The following ACTR10 variants were observed in gnomAD, a reference collection of about 807,000 sequenced individuals.
ACTR10 encodes actin related protein 10.
In ACTR10, 43 loss-of-function variants were observed where a neutral mutation model predicts 56.2. That is an observed-to-expected ratio of 0.77 (90% CI 0.60 to 0.99). The LOEUF (loss-of-function observed/expected upper bound fraction) is 0.99, where lower values mean the gene tolerates loss of function less well. Among genes scored for constraint, ACTR10 ranks in the 50% least tolerant of loss-of-function variants. ACTR10 has a pLI of 0.00. For synonymous variants in ACTR10, 170 were observed against 176.3 expected, an observed-to-expected ratio of 0.96 and a Z score of 0.28; for missense variants, 466 against 507.8, an observed-to-expected ratio of 0.92 and a Z score of 0.79.
intron 7 of ACTR10, among the ~76,000 whole-genome samples, chr14:58,216,916 C>G (rs1566626464): frequency 6.6e-6 from 1 of 152,200 alleles, no homozygotes; most frequent in Non-Finnish European, 1.5e-5. Flanking sequence ...ATTTTTCAAT[C>G]TGCAGCACCT....
intron 1 of ACTR10, 29 bp downstream of exon 1, chr14:58,200,323 G>A: frequency 6.8e-7 from 1 of 1,468,520 alleles, no homozygotes; most frequent in Non-Finnish European, 9.0e-7. Flanking sequence ...AGCTGTGTTC[G>A]ACCCGAGGGG....
chr14:58,230,337 A>G, intron 10 of ACTR10, 62 bp from the exon 11 acceptor site: 1 of 876,910 alleles, frequency 1.1e-6, no homozygotes, highest in Non-Finnish European at 1.8e-6. Flanking sequence ...ATAATGGTGT[A>G]TTCTGTGTAA....
chr14:58,202,850 T>C lies in ACTR10; in HGVS notation c.78-5T>C. The C allele has an allele frequency of 6.3e-7, 1 of 1,586,620 alleles. No individual in the cohort carries two copies. Among genetic ancestry groups the C allele is most frequent in the Non-Finnish European group, 8.6e-7 (1 of 1,164,040 alleles). On this transcript the variant is annotated splice_polypyrimidine_tract_variant and splice_region_variant and intron_variant, in intron 1 of 12. Coordinates refer to ENST00000254286, the MANE Select transcript of ACTR10 (RefSeq NM_018477.3). ...AAGTTGTTTCAATTTTCCATTTATTTGCAGGTGTGGATTTGCTGGAGAAAC... is the reference window on the plus strand; with the variant it reads ...AAGTTGTTTCAATTTTCCATTTATTCGCAGGTGTGGATTTGCTGGAGAAAC...
chr14:58,223,978 C>A, intron 10 of ACTR10, 122 bp downstream of exon 10: 1 of 787,682 alleles, frequency 1.3e-6, no homozygotes, highest in Non-Finnish European at 2.0e-6. Flanking sequence ...TATTGTTAAG[C>A]CTCATTATTC....
chr14:58,206,798 C>T (rs978494663), intron 2 of ACTR10, among the ~76,000 whole-genome samples: 1 of 152,092 alleles, frequency 6.6e-6, no homozygotes, highest in Non-Finnish European at 1.5e-5. Context: ...ACAACCACAA[C>T]TATGTACCTG....
At chr14:58,228,681 CTTTTTTTT>C (rs35498207) in intron 10 of ACTR10, among the ~76,000 whole-genome samples, 12 of 40,790 alleles carry the variant, frequency 2.9e-4, no homozygotes, top group East Asian at 9.7e-4. Context: ...GCAAGACAGA[CTTTTTTTT>C]TTTTTTTTTT....
intron 1 of ACTR10, 28 bp from the exon 2 acceptor site, chr14:58,202,827 G>A: frequency 1.3e-6 from 2 of 1,483,148 alleles, no homozygotes; most frequent in Non-Finnish European, 1.9e-6. Flanking sequence ...AATACTATAA[G>A]TTGTTTCAAT....
chr14:58,209,050 A>G lies in ACTR10; in HGVS notation c.285A>G (p.Val95=), dbSNP rs747767626. The change falls in exon 4 of 13, where the codon GTA becomes GTG. Residue 95 remains valine (V), a synonymous_variant. Transcript: ENST00000254286. ...RDRRVVIIES[V]LCPSHFRETL... is the part of the protein sequence containing the mutation. ...GCCGAGTTGTGATTATCGAATCGGT[A>G]TTATGTCCTTCTCACTTCAGAGAGA... The G allele has an allele frequency of 6.2e-7, 1 of 1,612,522 alleles. No homozygotes were observed. The highest frequency in any genetic ancestry group is 1.7e-5 in the Admixed American group (1 of 59,860).
Position 58,213,702 on chromosome 14 carries a change from A to C in ACTR10, c.518+4A>C. 1 of 1,607,626 alleles carries C rather than the reference A, an allele frequency of 6.2e-7. No individual in the cohort carries two copies. ...TAGGAGGAAAAGCTCTTCACAAGTA[A>C]GTTTCTTGGAATTTAACATATTCAT... On this transcript the variant is annotated splice_donor_region_variant and intron_variant, in intron 6 of 12. Coordinates refer to ENST00000254286, the MANE Select transcript of ACTR10 (RefSeq NM_018477.3).
intron 5 of ACTR10, among the ~76,000 whole-genome samples, chr14:58,211,619 C>T (rs1888998332): frequency 1.3e-5 from 2 of 151,996 alleles, no homozygotes; most frequent in South Asian, 2.1e-4. Flanking sequence ...CAGGAGTATA[C>T]CTCATGAATA....
At chr14:58,221,012 G>A (rs1352399783) in intron 8 of ACTR10, among the ~76,000 whole-genome samples, 3 of 152,094 alleles carry the variant, frequency 2.0e-5, no homozygotes, top group East Asian at 3.9e-4. Flanking sequence ...GGCTGGGCAC[G>A]GTGGGTCATG....
At chr14:58,206,134 C>A (rs990783393) in intron 2 of ACTR10, among the ~76,000 whole-genome samples, 1 of 151,926 alleles carries the variant, frequency 6.6e-6, no homozygotes, top group African/African-American at 2.4e-5. Context: ...CTGGATTAGA[C>A]CCTGTACGTT....
intron 7 of ACTR10, among the ~76,000 whole-genome samples, chr14:58,216,974 C>T (rs568080093): frequency 3.9e-5 from 6 of 152,236 alleles, no homozygotes; most frequent in Non-Finnish European, 8.8e-5. Context: ...GAGATTTTTG[C>T]GACACTTAGG....
At chr14:58,212,390 C>T (rs539574830) in intron 5 of ACTR10, among the ~76,000 whole-genome samples, 5 of 152,214 alleles carry the variant, frequency 3.3e-5, no homozygotes, top group African/African-American at 7.2e-5. Flanking sequence ...TATAGATGAG[C>T]ATCTCTTAGA....
Position 58,200,192 on chromosome 14 carries a change from C to G in ACTR10, c.-26C>G, listed in dbSNP as rs556730507. 3 of 1,500,752 alleles carry G rather than the reference C, an allele frequency of 2.0e-6. No homozygotes were observed. Among genetic ancestry groups the G allele is most frequent in the African/African-American group, 2.9e-5 (2 of 69,718 alleles). The allele number at this position is 1,500,752 out of a possible 1,614,324, so 93.0% of individuals were successfully genotyped here. On this transcript the variant is annotated 5_prime_UTR_variant, in exon 1 of 13. Coordinates refer to ENST00000254286, the MANE Select transcript of ACTR10 (RefSeq NM_018477.3). ...CTTGTTGGCCGCGGAGACTGCGACCCTCTTCTCTCAGTCTGCCTTACTACC... is the reference window on the plus strand; with the variant it reads ...CTTGTTGGCCGCGGAGACTGCGACCGTCTTCTCTCAGTCTGCCTTACTACC...
chr14:58,220,860 C>T (rs577778580), intron 8 of ACTR10, among the ~76,000 whole-genome samples: 2 of 152,226 alleles, frequency 1.3e-5, no homozygotes, highest in Admixed American at 6.5e-5. Context: ...ATGAAGTTTG[C>T]TAACTTCATT....
At chr14:58,230,361 G>T in intron 10 of ACTR10, 38 bp from the exon 11 acceptor site, 1 of 1,217,292 alleles carries the variant, frequency 8.2e-7, no homozygotes, top group South Asian at 1.4e-5. Flanking sequence ...TATAATACGT[G>T]ACACCAACAG....
chr14:58,223,761 G>T, intron 9 of ACTR10, 22 bp from the exon 10 acceptor site: 1 of 1,609,116 alleles, frequency 6.2e-7, no homozygotes, highest in Non-Finnish European at 8.5e-7. Flanking sequence ...GTGGACTTAT[G>T]TTTATGATAT....
Position 58,223,688 on chromosome 14 carries a change from A to T in ACTR10, c.701A>T (p.Asp234Val), listed in dbSNP as rs200823272. The T allele has an allele frequency of 5.3e-4, 855 of 1,611,634 alleles. 1 individual carries two copies. Among genetic ancestry groups the T allele is most frequent in the Non-Finnish European group, 6.9e-4 (811 of 1,179,156 alleles). The change falls in exon 9 of 13, where the codon GAT (aspartate) becomes GTT (valine). Residue 234 changes from aspartate (D) to valine (V), a missense_variant. Physicochemically the swap from Asp to Val is radical, Grantham distance 152 (BLOSUM62 -3). Transcript: ENST00000254286. ...ATCCAAGCAGCAAAATTTAATATTG[A>T]TGGGAATAATGAGGTAAGTTTAAAA... is the stretch of plus-strand genomic sequence containing the variant. ...LKIQAAKFNIDGNNERPSPPP... is the reference protein window; with the variant it reads ...LKIQAAKFNIVGNNERPSPPP...
Sources: gnomAD v4.1 joint callset for allele counts (sites outside exome capture counted in the v4.1 genomes callset) on GRCh38, gnomAD v4.1.1 for gene constraint, MANE v1.5 for transcripts, NCBI Gene and HGNC (gene_info 2026-07-23, HGNC 2026-07-21) for gene names.